Variants in PALLD observed in about 807,000 individuals in gnomAD.
PALLD encodes palladin.
In PALLD, 61 loss-of-function variants were observed where a neutral mutation model predicts 123.5. That is an observed-to-expected ratio of 0.49 (90% CI 0.40 to 0.61). PALLD has a LOEUF of 0.61. Among genes scored for constraint, PALLD ranks in the 20% least tolerant of loss-of-function variants. PALLD has a pLI of 0.00. For missense variants in PALLD, 1,273 were observed against 1,377.0 expected (o/e 0.92, Z 1.20); for synonymous variants, 465 against 496.4 (o/e 0.94, Z 0.84).
intron 3 of PALLD, among the ~76,000 whole-genome samples, chr4:168,679,252 G>T (rs1781254010): frequency 3.7e-5 from 4 of 108,928 alleles, no homozygotes; most frequent in East Asian, 3.1e-4. Flanking sequence ...GTGTGTGTGT[G>T]GTGTGTGGTG....
At chr4:168,699,447 A>G (rs187742075) in intron 8 of PALLD, among the ~76,000 whole-genome samples, 1 of 152,132 alleles carries the variant, frequency 6.6e-6, no homozygotes, top group African/African-American at 2.4e-5. Flanking sequence ...ATTTTAGCTC[A>G]GAGTTCTTTT....
intron 10 of PALLD, among the ~76,000 whole-genome samples, chr4:168,769,479 G>A (rs1008910799): frequency 2.6e-5 from 4 of 152,248 alleles, no homozygotes; most frequent in South Asian, 4.2e-4. Flanking sequence ...AGATGGGGCC[G>A]GGCTGGTCTC....
intron 2 of PALLD, among the ~76,000 whole-genome samples, chr4:168,573,993 G>A (rs979675210): frequency 5.3e-5 from 8 of 151,606 alleles, no homozygotes; most frequent in African/African-American, 1.9e-4. Context: ...TACATTTTTG[G>A]ATGATCTGTG....
chr4:168,897,054 C>T (rs531467692), intron 13 of PALLD, among the ~76,000 whole-genome samples: 1 of 152,182 alleles, frequency 6.6e-6, no homozygotes, highest in Non-Finnish European at 1.5e-5. Flanking sequence ...TGGTCTCGAA[C>T]TTCTGACCTC....
intron 2 of PALLD, among the ~76,000 whole-genome samples, chr4:168,647,034 A>C (rs574489131): frequency 6.6e-6 from 1 of 152,244 alleles, no homozygotes; most frequent in African/African-American, 2.4e-5. Flanking sequence ...GTGCATAGCA[A>C]AAATAGTTTG....
At chr4:168,761,427 T>C (rs13140688) in intron 10 of PALLD, among the ~76,000 whole-genome samples, 62,548 of 151,852 alleles carry the variant, frequency 0.41, 13,135 homozygotes, top group African/African-American at 0.46. Flanking sequence ...ATATTATATA[T>C]GGCACCTTTC....
chr4:168,893,017 A>G (rs1754389755), intron 11 of PALLD, among the ~76,000 whole-genome samples: 1 of 152,198 alleles, frequency 6.6e-6, no homozygotes, highest in South Asian at 2.1e-4. Flanking sequence ...GTCTGTAGAC[A>G]CGGGCTTTTA....
chr4:168,641,190 A>T (rs1006211697), intron 2 of PALLD, among the ~76,000 whole-genome samples: 2 of 149,626 alleles, frequency 1.3e-5, no homozygotes, highest in African/African-American at 5.0e-5. Flanking sequence ...CCTGGGCGAC[A>T]GAGCGAGACT....
chr4:168,612,091 T>G (rs959015699), intron 2 of PALLD, among the ~76,000 whole-genome samples: 2 of 152,004 alleles, frequency 1.3e-5, no homozygotes, highest in African/African-American at 4.8e-5. Flanking sequence ...GCCCGAGAGG[T>G]TGAGGCTGCA....
chr4:168,679,273 G>GTTT, intron 3 of PALLD, among the ~76,000 whole-genome samples: 1 of 113,880 alleles, frequency 8.8e-6, no homozygotes, highest in Non-Finnish European at 1.8e-5. Flanking sequence ...GGGTGTGTGT[G>GTTT]GTGGGGTGAG....
intron 10 of PALLD, among the ~76,000 whole-genome samples, chr4:168,788,975 G>T (rs147462145): frequency 6.6e-6 from 1 of 151,766 alleles, no homozygotes; most frequent in Non-Finnish European, 1.5e-5. Context: ...GCAACTCTCC[G>T]CACCTTGAGA....
At position 168,688,779 on chromosome 4, in the gene PALLD, G is replaced by GA. The variant is rs111498400; in HGVS notation, c.1336-1813dup. 6.6e-3 allele frequency among the ~76,000 whole-genome samples: 959 copies of GA among 146,220 alleles called. 7 individuals are homozygous for GA. The highest frequency in any genetic ancestry group is 0.022 in the African/African-American group (897 of 40,028). ...CCTACATCTTTGACTTTCCGACACT[G>GA]AAAAAAAAAAATGCATAATCTTAGG... is the stretch of plus-strand genomic sequence containing the variant. On this transcript the variant is annotated intron_variant, in intron 6 of 21. Transcript: ENST00000505667.
At chr4:168,706,937 G>A (rs542662164) in intron 8 of PALLD, among the ~76,000 whole-genome samples, 7 of 152,066 alleles carry the variant, frequency 4.6e-5, no homozygotes, top group South Asian at 2.1e-4. Flanking sequence ...AAGGGAATTC[G>A]ATTATAAAGA....
At chr4:168,781,679 C>T (rs1300674489) in intron 10 of PALLD, among the ~76,000 whole-genome samples, 1 of 152,052 alleles carries the variant, frequency 6.6e-6, no homozygotes, top group Non-Finnish European at 1.5e-5. Context: ...TTATTAAGAT[C>T]ATACCACTTT....
chr4:168,755,232 CAA>C (rs34076268), intron 10 of PALLD, among the ~76,000 whole-genome samples: 1,915 of 104,496 alleles, frequency 0.018, 22 homozygotes, highest in African/African-American at 0.04. Context: ...GACTCCGTCT[CAA>C]AAAAAAAAAA....
At chr4:168,680,048 T>C (rs1781387772) in intron 3 of PALLD, among the ~76,000 whole-genome samples, 1 of 152,140 alleles carries the variant, frequency 6.6e-6, no homozygotes, top group African/African-American at 2.4e-5. Context: ...ACCAGGCAGC[T>C]ATCCAAGAGA....
chr4:168,816,902 G>A (rs1020040456), intron 10 of PALLD, among the ~76,000 whole-genome samples: 5 of 148,286 alleles, frequency 3.4e-5, no homozygotes, highest in Non-Finnish European at 6.0e-5. Flanking sequence ...GGCAAGGGGC[G>A]GGGGTGAAGG....
intron 10 of PALLD, among the ~76,000 whole-genome samples, chr4:168,765,455 G>A (rs1234331931): frequency 2.6e-5 from 4 of 152,200 alleles, no homozygotes; most frequent in Non-Finnish European, 4.4e-5. Flanking sequence ...GGTAATGCAA[G>A]TCAGAATGGG....
chr4:168,924,475 CAAAA>C, intron 19 of PALLD, 55 bp downstream of exon 19: 4 of 1,450,546 alleles, frequency 2.8e-6, no homozygotes, highest in Non-Finnish European at 3.9e-6. Context: ...AATGATGTAT[CAAAA>C]GATACATTTT....
Sources: allele counts gnomAD v4.1 joint callset (sites outside exome capture counted in the v4.1 genomes callset), GRCh38; gene constraint gnomAD v4.1.1; transcripts MANE v1.5; gene names NCBI Gene and HGNC (gene_info 2026-07-23, HGNC 2026-07-21).